The following DAAM1 variants were observed in gnomAD, a reference collection of about 807,000 sequenced individuals.
DAAM1 encodes the protein dishevelled associated activator of morphogenesis 1, also known as disheveled-associated activator of morphogenesis 1.
Under a neutral mutation model 130.0 loss-of-function variants are expected in DAAM1, and 52 were observed. The ratio of observed to expected loss-of-function variants is 0.40; its 90% confidence interval spans 0.32 to 0.50. DAAM1 has a LOEUF of 0.50. DAAM1 is among the 20% of genes least tolerant of loss of function. DAAM1 has a pLI of 0.61. For synonymous variants in DAAM1, 452 were observed against 444.5 expected (o/e 1.02, Z -0.21); for missense variants, 1,134 against 1,303.8 (o/e 0.87, Z 2.01).
At chr14:59,239,766 G>T (rs1052237170) in intron 1 of DAAM1, among the ~76,000 whole-genome samples, 3 of 152,094 alleles carry the variant, frequency 2.0e-5, no homozygotes, top group African/African-American at 7.2e-5. Flanking sequence ...ATGACAGGGC[G>T]GGGGCCAGGA....
At chr14:59,234,455 G>C (rs924790673) in intron 1 of DAAM1, among the ~76,000 whole-genome samples, 2 of 152,146 alleles carry the variant, frequency 1.3e-5, no homozygotes, top group Non-Finnish European at 2.9e-5. Context: ...AGGAATGCTT[G>C]TGATTTTTGC....
intron 6 of DAAM1, among the ~76,000 whole-genome samples, chr14:59,323,633 T>G (rs772744754): frequency 1.3e-5 from 2 of 152,226 alleles, no homozygotes; most frequent in African/African-American, 2.4e-5. Flanking sequence ...GGCTTTTGTA[T>G]ACATGTATGT....
intron 1 of DAAM1, among the ~76,000 whole-genome samples, chr14:59,251,074 G>C (rs1461748596): frequency 2.0e-5 from 3 of 152,170 alleles, no homozygotes; most frequent in African/African-American, 7.2e-5. Flanking sequence ...GATTTTATTG[G>C]TGTGTGGTAC....
intron 15 of DAAM1, among the ~76,000 whole-genome samples, chr14:59,339,158 C>A (rs867631743): frequency 6.6e-6 from 1 of 152,176 alleles, no homozygotes; most frequent in African/African-American, 2.4e-5. Flanking sequence ...TGAGGAAACT[C>A]TGTAGGTAAG....
intron 2 of DAAM1, among the ~76,000 whole-genome samples, chr14:59,286,063 C>G (rs746373642): frequency 1.1e-4 from 16 of 152,026 alleles, no homozygotes; most frequent in Admixed American, 3.3e-4. Context: ...CAAAATCATA[C>G]CAATCACACT....
chr14:59,247,095 A>T (rs1009170182), intron 1 of DAAM1, among the ~76,000 whole-genome samples: 2 of 152,158 alleles, frequency 1.3e-5, no homozygotes, highest in Non-Finnish European at 2.9e-5. Context: ...GTCCAGCCTC[A>T]TTCTTTTGCA....
At chr14:59,195,344 C>T (rs890365425) in intron 1 of DAAM1, among the ~76,000 whole-genome samples, 2 of 151,940 alleles carry the variant, frequency 1.3e-5, no homozygotes, top group South Asian at 2.1e-4. Flanking sequence ...GGGGTTTCAC[C>T]GTGTTAGCCA....
chr14:59,304,527 ATTC>A (rs1409930931), intron 3 of DAAM1, among the ~76,000 whole-genome samples: 2 of 152,212 alleles, frequency 1.3e-5, no homozygotes, highest in Non-Finnish European at 2.9e-5. Flanking sequence ...AAATTCTGTT[ATTC>A]TTCAGCGTGG....
chr14:59,210,058 C>T (rs537658957), intron 1 of DAAM1, among the ~76,000 whole-genome samples: 6 of 152,234 alleles, frequency 3.9e-5, no homozygotes, highest in African/African-American at 1.4e-4. Context: ...GGGAGGATTG[C>T]TTGCGCCCAG....
At chr14:59,267,972 G>A (rs1242746131) in intron 2 of DAAM1, among the ~76,000 whole-genome samples, 3 of 148,242 alleles carry the variant, frequency 2.0e-5, no homozygotes, top group Non-Finnish European at 3.0e-5. Context: ...GTGCGATCTC[G>A]GCTCACTGCA....
chr14:59,309,004 T>C (rs1324661936), intron 3 of DAAM1, among the ~76,000 whole-genome samples: 2 of 152,214 alleles, frequency 1.3e-5, no homozygotes, highest in East Asian at 3.8e-4. Flanking sequence ...ACCACATGGC[T>C]ATCTTGGAAT....
intron 1 of DAAM1, among the ~76,000 whole-genome samples, chr14:59,258,444 AC>A (rs1211056340): frequency 6.6e-6 from 1 of 152,134 alleles, no homozygotes; most frequent in Non-Finnish European, 1.5e-5. Context: ...CTTAAGTCTC[AC>A]CTATGAAATG....
At chr14:59,288,397 G>A (rs940221745) in intron 2 of DAAM1, among the ~76,000 whole-genome samples, 2 of 152,020 alleles carry the variant, frequency 1.3e-5, no homozygotes, top group Non-Finnish European at 2.9e-5. Flanking sequence ...AAAGAAATGG[G>A]AACAAAAACA....
chr14:59,329,622 A>T (rs533473023), intron 12 of DAAM1, among the ~76,000 whole-genome samples: 5 of 152,206 alleles, frequency 3.3e-5, no homozygotes, highest in Non-Finnish European at 7.3e-5. Flanking sequence ...GGAATTGGGG[A>T]CATGTATTTG....
At position 59,284,649 on chromosome 14, in the gene DAAM1, A is replaced by C. The variant is rs550397922; in HGVS notation, c.184-6568A>C. Among the ~76,000 whole-genome samples the C allele has an allele frequency of 2.0e-5, 3 of 152,264 alleles. No homozygotes were observed. The South Asian group carries it at 6.2e-4, about 32-fold the overall frequency. The stretch of plus-strand genomic sequence containing the variant: ...CAAACTGAACTTCTGGAAATAAAAA[A>C]ATCACTACAGGAATTTCAAAATACA... On this transcript the variant is annotated intron_variant, in intron 2 of 24. Coordinates refer to ENST00000360909, the MANE Select transcript of DAAM1 (RefSeq NM_001270520.2).
chr14:59,343,887 A>G (rs1594837418), intron 16 of DAAM1, among the ~76,000 whole-genome samples: 1 of 152,224 alleles, frequency 6.6e-6, no homozygotes, highest in Admixed American at 6.5e-5. Context: ...ACCAGGGACC[A>G]TACCTTTCAT....
chr14:59,196,100 A>G (rs1288750344), intron 1 of DAAM1, among the ~76,000 whole-genome samples: 1 of 152,242 alleles, frequency 6.6e-6, no homozygotes. Context: ...GGTCAGGACT[A>G]GGGGCAGCTT....
At chr14:59,363,570 G>T in intron 22 of DAAM1, 81 bp from the exon 23 acceptor site, 1 of 1,569,584 alleles carries the variant, frequency 6.4e-7, no homozygotes, top group Non-Finnish European at 8.7e-7. Flanking sequence ...TTAAATTTAA[G>T]GCATGTGAAA....
In DAAM1 at chr14:59,360,841, T is replaced by C; in HGVS notation, c.2673T>C (p.Ser891=). Residue 891 remains serine (S), a synonymous_variant, in exon 22 of 25, where the codon AGT becomes AGC. Coordinates refer to ENST00000360909, the MANE Select transcript of DAAM1 (RefSeq NM_001270520.2). ...ELDKEISTLR[S]GLKAVETELE... Reference sequence around the variant, plus strand: ...ACAAAGAAATAAGTACCTTGAGAAGTGGCTTGAAAGCAGTAGAGACAGTGA... The same window carrying C: ...ACAAAGAAATAAGTACCTTGAGAAGCGGCTTGAAAGCAGTAGAGACAGTGA... 1 of 1,613,948 alleles carries C rather than the reference T, an allele frequency of 6.2e-7. No homozygotes were observed. The highest frequency in any genetic ancestry group is 1.1e-5 in the South Asian group (1 of 91,018).
Sources: allele counts gnomAD v4.1 joint callset (sites outside exome capture counted in the v4.1 genomes callset), GRCh38; gene constraint gnomAD v4.1.1; transcripts MANE v1.5; gene names NCBI Gene and HGNC (gene_info 2026-07-23, HGNC 2026-07-21).